The following MUTYH variants were observed in gnomAD, a reference collection of about 807,000 sequenced individuals.
The protein encoded by MUTYH is mutY DNA glycosylase.
A neutral mutation model predicts 72.9 loss-of-function variants in MUTYH; 64 were observed. That is an observed-to-expected ratio of 0.88 (90% confidence interval 0.72 to 1.08). MUTYH has a LOEUF of 1.08. Ranked by LOEUF, MUTYH falls within the 50% of genes least tolerant of loss-of-function variation. The pLI is 0.00. For missense variants in MUTYH, 633 were observed against 671.0 expected (o/e 0.94, Z 0.63); for synonymous variants, 234 against 263.1 (o/e 0.89, Z 1.07).
intron 6 of MUTYH, 33 bp downstream of exon 6, chr1:45,332,885 T>C (rs1479102817): frequency 1.9e-6 from 3 of 1,613,948 alleles, no homozygotes; most frequent in Non-Finnish European, 2.5e-6. Context: ...CCCTCTATTG[T>C]TCCTATTTCC....
At chr1:45,330,474 AG>A (rs1644604038) in intron 15 of MUTYH, 41 bp downstream of exon 15, 1 of 1,589,852 alleles carries the variant, frequency 6.3e-7, no homozygotes, top group African/African-American at 1.3e-5. Context: ...CTATGGACTC[AG>A]GCCTGGGGAG....
chr1:45,335,828 G>T (rs190227095), intron 1 of MUTYH, among the ~76,000 whole-genome samples: 13 of 152,052 alleles, frequency 8.5e-5, no homozygotes, highest in Admixed American at 6.6e-4. Context: ...AAAAAGAAAA[G>T]AAAAGAAACC....
chr1:45,330,316 C>G (rs1396693110), intron 15 of MUTYH, among the ~76,000 whole-genome samples, 200 bp downstream of exon 15: 1 of 151,224 alleles, frequency 6.6e-6, no homozygotes, highest in Non-Finnish European at 1.5e-5. Flanking sequence ...ACACCTGTGA[C>G]ACTGGAGAGT....
At chr1:45,332,875 C>T (rs766496152) in intron 6 of MUTYH, 41 bp from the exon 7 acceptor site, 3 of 1,614,106 alleles carry the variant, frequency 1.9e-6, no homozygotes, top group Non-Finnish European at 2.5e-6. Context: ...ACCCGTCAGT[C>T]CCTCTATTGT....
intron 1 of MUTYH, chr1:45,338,124 A>G: frequency 6.0e-6 from 3 of 503,596 alleles, no homozygotes; most frequent in Middle Eastern, 3.0e-4. Flanking sequence ...GATGGGACTG[A>G]GTGGTAGAAG....
At position 45,332,412 on chromosome 1, in the gene MUTYH, G is replaced by T. The variant is rs766173546; in HGVS notation, c.683C>A (p.Thr228Asn). 1.2e-6 allele frequency: 2 copies of T among 1,614,160 alleles called. No homozygotes were observed. The highest frequency in any genetic ancestry group is 1.3e-5 in the African/African-American group (1 of 75,052). Reference sequence around the variant, plus strand: ...CTACCAGAGCTGCTGGGAAACAAGGGTGCTGCTGGGATCAGCACCAATGGC... The same window carrying T: ...CTACCAGAGCTGCTGGGAAACAAGGTTGCTGCTGGGATCAGCACCAATGGC... ...VRAIGADPSS[T>N]LVSQQLWGLA... Residue 228 changes from threonine (T) to asparagine (N), a missense_variant, in exon 9 of 16, where the codon ACC becomes AAC. Coordinates refer to ENST00000456914, the MANE Select transcript of MUTYH (RefSeq NM_001048174.2).
In MUTYH at chr1:45,333,449, G is replaced by T. The variant is rs121908380; in HGVS notation, c.228C>A (p.Tyr76Ter). ...TAFRGSLLSWYDQEKRDLPWR... is the reference protein window; with the variant it reads ...TAFRGSLLSW Reference sequence around the variant, plus strand: ...ATGGTAGGTCCCGTTTCTCTTGGTCGTACCAGCTTAGCAGGCTCCCTCGGA... The same window carrying T: ...ATGGTAGGTCCCGTTTCTCTTGGTCTTACCAGCTTAGCAGGCTCCCTCGGA... Residue 76 changes from tyrosine (Y) to a stop codon, truncating the protein, a stop_gained, in exon 3 of 16, where the codon TAC becomes TAA. Transcript: ENST00000456914. LOFTEE classifies it high-confidence loss of function. 5.8e-5 allele frequency: 93 copies of T among 1,614,072 alleles called. 2 individuals carry two copies. The South Asian group carries it at 7.4e-4, about 13-fold the overall frequency.
intron 15 of MUTYH, among the ~76,000 whole-genome samples, 176 bp from the exon 16 acceptor site, chr1:45,329,613 G>T (rs1053826498): frequency 6.6e-6 from 1 of 152,094 alleles, no homozygotes. Flanking sequence ...CCTCCAAAAG[G>T]CTGCCTGAGG....
intron 15 of MUTYH, 147 bp from the exon 16 acceptor site, chr1:45,329,584 AT>A: frequency 8.7e-7 from 1 of 1,153,180 alleles, no homozygotes; most frequent in East Asian, 2.4e-5. Context: ...TGCCTCAAGT[AT>A]CTGCCCCATC....
At chr1:45,335,719 C>T (rs1024015084) in intron 1 of MUTYH, among the ~76,000 whole-genome samples, 1 of 151,856 alleles carries the variant, frequency 6.6e-6, no homozygotes, top group African/African-American at 2.4e-5. Flanking sequence ...ATTAGCCAGA[C>T]GTGCTCGCTT....
At chr1:45,333,050 C>A in intron 5 of MUTYH, 47 bp downstream of exon 5, 1 of 1,612,874 alleles carries the variant, frequency 6.2e-7, no homozygotes, top group East Asian at 2.2e-5. Context: ...TAGAGGCTCT[C>A]ATCTGGGGTC....
intron 1 of MUTYH, chr1:45,338,686 A>G: frequency 5.5e-6 from 1 of 180,388 alleles, no homozygotes; most frequent in Non-Finnish European, 1.2e-5. Context: ...GATGGGGGAT[A>G]GTCAAAAGAG....
chr1:45,337,974 A>G (rs932992749), intron 1 of MUTYH, among the ~76,000 whole-genome samples: 1 of 152,226 alleles, frequency 6.6e-6, no homozygotes, highest in African/African-American at 2.4e-5. Context: ...AAGAGTGCCA[A>G]GGTGGGGTTT....
At chr1:45,339,701 G>A (rs1646648113) in intron 1 of MUTYH, 198 bp downstream of exon 1, 10 of 633,524 alleles carry the variant, frequency 1.6e-5, no homozygotes, top group South Asian at 1.5e-4. Flanking sequence ...CTCCTCCGAT[G>A]GCCCACTCCC....
At position 45,333,319 on chromosome 1, in the gene MUTYH, T is replaced by A; in HGVS notation, c.270A>T (p.Glu90Asp). Residue 90 changes from glutamate to aspartate, a missense_variant, in exon 4 of 16, where the codon GAA becomes GAT. By Grantham distance (45) the Glu-to-Asp change is conservative. Coordinates refer to ENST00000456914, the MANE Select transcript of MUTYH (RefSeq NM_001048174.2). ...KRDLPWRRRA[E>D]DEMDLDRRAY... Reference sequence around the variant, plus strand: ...CCCGCCTGTCCAGGTCCATCTCATCTTCTGCCTGTCAATGCAACCCCAGAT... The same window carrying A: ...CCCGCCTGTCCAGGTCCATCTCATCATCTGCCTGTCAATGCAACCCCAGAT... 1 of 1,614,242 alleles carries A rather than the reference T, an allele frequency of 6.2e-7. No individual in the cohort carries two copies. The highest frequency in any genetic ancestry group is 8.5e-7 in the Non-Finnish European group (1 of 1,180,040).
In MUTYH at chr1:45,329,360, G is replaced by T. The variant is rs768671057; in HGVS notation, c.1512C>A (p.Phe504Leu). The T allele has an allele frequency of 8.1e-6, 13 of 1,614,096 alleles. No individual in the cohort carries two copies. The Admixed American group carries it at 2.0e-4, about 25-fold the overall frequency. Residue 504 changes from phenylalanine (F) to leucine (L), a missense_variant, in exon 16 of 16, where the codon TTC becomes TTA. By Grantham distance (22) the Phe-to-Leu change is conservative. Transcript: ENST00000456914. The part of the protein sequence containing the change: ...PRMGQQVLDN[F>L]FRSHISTDAH... ...CATCAGTGGAGATGTGAGACCGAAA[G>T]AAATTATCCAGGACTTGCTGGCCCA...
At position 45,334,398 on chromosome 1, in the gene MUTYH, G is replaced by T; in HGVS notation, c.108C>A (p.Ala36=). ...AKNNSQAKPS[A]CDGLARQPEE... ...CACAACCTAGTTCCTTACCATCACA[G>T]GCAGAAGGCTTGGCCTGACTGTTGT... is the stretch of plus-strand genomic sequence containing the variant. The change falls in exon 2 of 16, where the codon GCC becomes GCA. Residue 36 remains alanine, a synonymous_variant. Transcript: ENST00000456914. 1 of 1,614,084 alleles carries T rather than the reference G, an allele frequency of 6.2e-7. No homozygotes were observed. Among genetic ancestry groups the T allele is most frequent in the Non-Finnish European group, 8.5e-7 (1 of 1,180,018 alleles).
chr1:45,340,355 G>T, upstream of MUTYH: 1 of 1,583,050 alleles, frequency 6.3e-7, no homozygotes, highest in South Asian at 1.2e-5. Context: ...TCTGGGAGAG[G>T]GGAAGGCCTC....
chr1:45,333,194 G>A (rs1467441941), intron 4 of MUTYH, 24 bp from the exon 5 acceptor site: 1 of 1,614,046 alleles, frequency 6.2e-7, no homozygotes, highest in South Asian at 1.1e-5. Flanking sequence ...GTTGGCATGA[G>A]GACACTGCTG....
Sources: gnomAD v4.1 joint callset for allele counts (sites outside exome capture counted in the v4.1 genomes callset) on GRCh38, gnomAD v4.1.1 for gene constraint, MANE v1.5 for transcripts, NCBI Gene and HGNC (gene_info 2026-07-23, HGNC 2026-07-21) for gene names.